Variants in CCDC91 observed in about 807,000 individuals in gnomAD.
The protein encoded by CCDC91 is coiled-coil domain-containing protein 91.
Under a neutral mutation model 63.2 loss-of-function variants are expected in CCDC91, and 48 were observed. That is an observed-to-expected ratio of 0.76 (90% CI 0.60 to 0.97). The LOEUF (loss-of-function observed/expected upper bound fraction) is 0.97, where lower values mean the gene tolerates loss of function less well. CCDC91 is among the 50% of genes least tolerant of loss of function. The pLI, the probability that CCDC91 is intolerant of heterozygous loss-of-function variation, is 0.00. For missense variants in CCDC91, 500 were observed against 494.6 expected, an observed-to-expected ratio of 1.01 and a Z score of -0.10; for synonymous variants, 167 against 165.8, an observed-to-expected ratio of 1.01 and a Z score of -0.06.
intron 12 of CCDC91, among the ~76,000 whole-genome samples, chr12:28,528,272 G>A (rs549877249): frequency 4.9e-4 from 75 of 152,200 alleles, no homozygotes; most frequent in Admixed American, 8.5e-4. Context: ...AGCCCACAGG[G>A]GGACCCTAGA....
At chr12:28,254,137 G>A (rs994134817) in intron 1 of CCDC91, among the ~76,000 whole-genome samples, 9 of 152,104 alleles carry the variant, frequency 5.9e-5, no homozygotes, top group African/African-American at 1.9e-4. Flanking sequence ...ATTCAGACTA[G>A]CAAAGTAGGG....
intron 7 of CCDC91, among the ~76,000 whole-genome samples, chr12:28,379,322 G>A (rs1305907003): frequency 2.0e-5 from 3 of 151,802 alleles, no homozygotes; most frequent in African/African-American, 7.3e-5. Flanking sequence ...AAACTAAAGA[G>A]CTTTTGCACA....
rs111640993 is a variant in CCDC91 at position 28,524,427 on chromosome 12, A to C, written c.1216-24636A>C. Among the ~76,000 whole-genome samples the C allele has an allele frequency of 3.9e-4, 60 of 152,126 alleles. 1 individual carries two copies. Among genetic ancestry groups the C allele is most frequent in the Admixed American group, 3.9e-3 (60 of 15,244 alleles). ...TTTATTGACTTGCATATGTTAAACT[A>C]TCCCTGCATCCCTGGTATTAAACCC... On this transcript the variant is annotated intron_variant, in intron 12 of 12. Transcript: ENST00000536442.
chr12:28,473,060 A>ACT (rs1950901410), intron 11 of CCDC91, among the ~76,000 whole-genome samples: 1 of 152,210 alleles, frequency 6.6e-6, no homozygotes, highest in Non-Finnish European at 1.5e-5. Flanking sequence ...CTTGCTGCAG[A>ACT]TAAGTGCTAT....
At chr12:28,283,818 G>A (rs1212319906) in intron 3 of CCDC91, among the ~76,000 whole-genome samples, 1 of 152,162 alleles carries the variant, frequency 6.6e-6, no homozygotes, top group African/African-American at 2.4e-5. Flanking sequence ...GGGATCAAGT[G>A]CAGAATTTTC....
At position 28,281,271 on chromosome 12, in the gene CCDC91, T is replaced by C. The variant is rs75131438; in HGVS notation, c.109+21829T>C. On this transcript the variant is annotated intron_variant, in intron 3 of 12. Coordinates refer to ENST00000536442, the MANE Select transcript of CCDC91 (RefSeq NM_018318.5). ...CCAGAGAAGCAGACCCAGTAGGAGATACATGTTATAAATAGTTAGCTTACA... is the reference window on the plus strand; with the variant it reads ...CCAGAGAAGCAGACCCAGTAGGAGACACATGTTATAAATAGTTAGCTTACA... Among the ~76,000 whole-genome samples, 347 of 152,340 alleles carry C rather than the reference T, an allele frequency of 2.3e-3. 4 individuals carry two copies. The highest frequency in any genetic ancestry group is 8.1e-3 in the African/African-American group (335 of 41,580).
chr12:28,200,996 G>C (rs1261846836), intron 1 of CCDC91, among the ~76,000 whole-genome samples: 1 of 127,616 alleles, frequency 7.8e-6, no homozygotes, highest in Non-Finnish European at 1.7e-5. Flanking sequence ...CTGGCCGGGC[G>C]GGGGGCTGAC....
chr12:28,536,942 A>G (rs1253523278), intron 12 of CCDC91, among the ~76,000 whole-genome samples: 2 of 152,194 alleles, frequency 1.3e-5, no homozygotes, highest in Non-Finnish European at 1.5e-5. Flanking sequence ...CAGTATAAAT[A>G]TATATGCCAT....
At chr12:28,401,378 A>G (rs1052358015) in intron 8 of CCDC91, among the ~76,000 whole-genome samples, 2 of 152,184 alleles carry the variant, frequency 1.3e-5, no homozygotes, top group African/African-American at 4.8e-5. Flanking sequence ...TCACAAGAAC[A>G]GTATAAGGAT....
intron 11 of CCDC91, among the ~76,000 whole-genome samples, chr12:28,452,952 GTGT>G (rs1446454161): frequency 1.3e-5 from 2 of 151,744 alleles, no homozygotes; most frequent in Non-Finnish European, 3.0e-5. Context: ...TAACCTTTCT[GTGT>G]TGTTTTTCCT....
At chr12:28,368,360 T>C (rs759403923) in intron 7 of CCDC91, among the ~76,000 whole-genome samples, 13 of 152,340 alleles carry the variant, frequency 8.5e-5, no homozygotes, top group Middle Eastern at 3.4e-3. Flanking sequence ...TCTTTTAAAA[T>C]TACTGAGGCT....
At chr12:28,251,917 A>G (rs961929040) in intron 1 of CCDC91, among the ~76,000 whole-genome samples, 29 of 152,124 alleles carry the variant, frequency 1.9e-4, no homozygotes, top group Admixed American at 2.6e-4. Context: ...TCCTAATCCT[A>G]TGTCTTTTTC....
At chr12:28,352,960 C>T (rs536683613) in intron 6 of CCDC91, among the ~76,000 whole-genome samples, 42 of 152,302 alleles carry the variant, frequency 2.8e-4, no homozygotes, top group Admixed American at 7.8e-4. Context: ...GAAAGTCCTG[C>T]GTGTCATCTT....
At chr12:28,448,930 AATT>A (rs1949667821) in intron 8 of CCDC91, among the ~76,000 whole-genome samples, 1 of 152,066 alleles carries the variant, frequency 6.6e-6, no homozygotes, top group Non-Finnish European at 1.5e-5. Context: ...GAGAATATAA[AATT>A]AAAATCTCAG....
intron 12 of CCDC91, among the ~76,000 whole-genome samples, chr12:28,498,405 G>A (rs1174322411): frequency 1.3e-5 from 2 of 151,500 alleles, no homozygotes; most frequent in South Asian, 2.1e-4. Flanking sequence ...AGCCCAAACA[G>A]GTAAACATTG....
chr12:28,377,291 C>A (rs1480781300), intron 7 of CCDC91, among the ~76,000 whole-genome samples: 1 of 151,078 alleles, frequency 6.6e-6, no homozygotes, highest in African/African-American at 2.4e-5. Context: ...TGTTATACTC[C>A]CTGTTGTTTT....
At chr12:28,437,769 A>G (rs1254931898) in intron 8 of CCDC91, among the ~76,000 whole-genome samples, 1 of 152,044 alleles carries the variant, frequency 6.6e-6, no homozygotes, top group Non-Finnish European at 1.5e-5. Context: ...TTAACAAAAT[A>G]ATTTGGGTAA....
At chr12:28,430,828 A>G (rs1948587645) in intron 8 of CCDC91, among the ~76,000 whole-genome samples, 1 of 152,112 alleles carries the variant, frequency 6.6e-6, no homozygotes, top group African/African-American at 2.4e-5. Context: ...TGGCTGCTTC[A>G]GTTCCTTCTC....
chr12:28,270,020 TTAA>T (rs1439378014), intron 3 of CCDC91, among the ~76,000 whole-genome samples: 3 of 152,036 alleles, frequency 2.0e-5, no homozygotes, highest in African/African-American at 2.4e-5. Context: ...ATAATCATTT[TTAA>T]TAATGATTTA....
Sources: gnomAD v4.1 joint callset for allele counts (sites outside exome capture counted in the v4.1 genomes callset) on GRCh38, gnomAD v4.1.1 for gene constraint, MANE v1.5 for transcripts, NCBI Gene and HGNC (gene_info 2026-07-23, HGNC 2026-07-21) for gene names.